GPC5: variants seen among roughly 807,000 people sequenced by gnomAD.
GPC5 encodes the protein glypican-5.
In GPC5, 47 loss-of-function variants were observed where a neutral mutation model predicts 53.9. The observed-to-expected ratio is 0.87, with a 90% CI of 0.69 to 1.11. The LOEUF is 1.11. GPC5 is among the 50% of genes most tolerant of loss of function. The pLI, the probability that GPC5 is intolerant of heterozygous loss-of-function variation, is 0.00. For synonymous variants in GPC5, 286 were observed against 263.3 expected, an observed-to-expected ratio of 1.09 and a Z score of -0.84; for missense variants, 748 against 713.1, an observed-to-expected ratio of 1.05 and a Z score of -0.56.
At chr13:92,320,229 T>C (rs1364672321) in intron 7 of GPC5, among the ~76,000 whole-genome samples, 1 of 152,168 alleles carries the variant, frequency 6.6e-6, no homozygotes, top group Non-Finnish European at 1.5e-5. Flanking sequence ...CATAATGAAC[T>C]TTCATGCATT....
intron 7 of GPC5, among the ~76,000 whole-genome samples, chr13:92,480,485 T>A (rs1879307144): frequency 6.6e-6 from 1 of 152,164 alleles, no homozygotes; most frequent in Non-Finnish European, 1.5e-5. Context: ...GGCTTAACAA[T>A]GGAGGTTACC....
chr13:91,900,721 A>G (rs1345676127), intron 5 of GPC5, among the ~76,000 whole-genome samples: 1 of 152,006 alleles, frequency 6.6e-6, no homozygotes, highest in South Asian at 2.1e-4. Context: ...GCAATGTTCT[A>G]TTTTTTTACG....
At chr13:92,612,416 GTATC>G (rs1235231067) in intron 7 of GPC5, among the ~76,000 whole-genome samples, 1 of 151,862 alleles carries the variant, frequency 6.6e-6, no homozygotes, top group Non-Finnish European at 1.5e-5. Context: ...ATCTTCTTCT[GTATC>G]TATTATATTC....
chr13:92,351,864 G>T (rs193165721), intron 7 of GPC5, among the ~76,000 whole-genome samples: 96 of 152,258 alleles, frequency 6.3e-4, no homozygotes, highest in Admixed American at 1.6e-3. Flanking sequence ...ACGTTCATGG[G>T]CAAGATGACA....
At chr13:92,320,657 T>G (rs748768509) in intron 7 of GPC5, among the ~76,000 whole-genome samples, 12 of 152,192 alleles carry the variant, frequency 7.9e-5, no homozygotes, top group Non-Finnish European at 1.5e-4. Flanking sequence ...AATATACTTT[T>G]GTCTAAAGTC....
chr13:92,318,454 T>C (rs971574304), intron 7 of GPC5, among the ~76,000 whole-genome samples: 1 of 152,154 alleles, frequency 6.6e-6, no homozygotes, highest in African/African-American at 2.4e-5. Context: ...CATAGACAAA[T>C]GTAAAATATA....
At chr13:92,172,058 T>C (rs1369953707) in intron 7 of GPC5, among the ~76,000 whole-genome samples, 4 of 152,232 alleles carry the variant, frequency 2.6e-5, no homozygotes, top group African/African-American at 7.2e-5. Flanking sequence ...GTTCTGTGTA[T>C]TTCTAGTTAA....
intron 7 of GPC5, among the ~76,000 whole-genome samples, chr13:92,382,964 C>T (rs1420080015): frequency 7.1e-6 from 1 of 140,954 alleles, no homozygotes; most frequent in African/African-American, 2.7e-5. Context: ...GATCGTGCCA[C>T]TGCACTCCAG....
intron 3 of GPC5, among the ~76,000 whole-genome samples, chr13:91,701,656 C>T (rs2035995162): frequency 6.6e-6 from 1 of 151,860 alleles, no homozygotes; most frequent in Non-Finnish European, 1.5e-5. Flanking sequence ...TGTGCAGAAT[C>T]ATATGTATAT....
intron 7 of GPC5, among the ~76,000 whole-genome samples, chr13:92,465,490 G>A (rs1040313749): frequency 6.6e-6 from 1 of 151,942 alleles, no homozygotes; most frequent in Non-Finnish European, 1.5e-5. Flanking sequence ...TGCTACTTAA[G>A]GACAGATGTC....
At chr13:91,984,585 G>C (rs929264232) in intron 6 of GPC5, among the ~76,000 whole-genome samples, 2 of 152,216 alleles carry the variant, frequency 1.3e-5, no homozygotes, top group African/African-American at 4.8e-5. Context: ...GTTTTCATGA[G>C]AGGGCTTTCT....
intron 7 of GPC5, among the ~76,000 whole-genome samples, chr13:92,621,063 G>T (rs150782427): frequency 6.6e-6 from 1 of 152,166 alleles, no homozygotes; most frequent in African/African-American, 2.4e-5. Flanking sequence ...GGAAGCTGGG[G>T]TGAGGTCAAC....
rs2039440569 is a variant in GPC5 at position 91,896,178 on chromosome 13, G to T, written c.1281-11759G>T. The stretch of plus-strand genomic sequence containing the variant: ...TCTATCATCCAGGCTGGAGTGCAGT[G>T]GCACAATCTCAGCTCACTGCAACCT... On this transcript the variant is annotated intron_variant, in intron 5 of 7. Transcript: ENST00000377067. 2.0e-5 allele frequency among the ~76,000 whole-genome samples: 3 copies of T among 148,376 alleles called. No homozygotes were observed. In the South Asian group the frequency reaches 6.4e-4, roughly 32 times the overall value.
chr13:92,649,231 C>T (rs1322158518), intron 7 of GPC5, among the ~76,000 whole-genome samples: 3 of 152,070 alleles, frequency 2.0e-5, no homozygotes, highest in African/African-American at 7.2e-5. Context: ...AATTTAAATT[C>T]TTCCATCAGT....
intron 6 of GPC5, among the ~76,000 whole-genome samples, chr13:92,123,430 TAAAA>T (rs1034370247): frequency 2.6e-5 from 4 of 152,060 alleles, no homozygotes; most frequent in Non-Finnish European, 4.4e-5. Flanking sequence ...AATATGATAA[TAAAA>T]AAGAAAAGGC....
chr13:91,761,837 A>G (rs1416888418), intron 5 of GPC5, among the ~76,000 whole-genome samples: 1 of 152,098 alleles, frequency 6.6e-6, no homozygotes, highest in East Asian at 1.9e-4. Flanking sequence ...GCCATTGGCC[A>G]TTGGTGATCA....
At chr13:92,673,391 C>G (rs1159431893) in intron 7 of GPC5, among the ~76,000 whole-genome samples, 2 of 151,562 alleles carry the variant, frequency 1.3e-5, no homozygotes, top group African/African-American at 2.4e-5. Flanking sequence ...AAGTGATTCT[C>G]CTGCCTCAGC....
At chr13:92,749,662 ATAACATC>A (rs1249584835) in intron 7 of GPC5, among the ~76,000 whole-genome samples, 1 of 152,330 alleles carries the variant, frequency 6.6e-6, no homozygotes. Context: ...ATGGTTTTCC[ATAACATC>A]TTTCAATTGC....
chr13:92,713,624 A>AT, intron 7 of GPC5, among the ~76,000 whole-genome samples: 1 of 150,984 alleles, frequency 6.6e-6, no homozygotes, highest in East Asian at 1.9e-4. Flanking sequence ...AAAAAAAAAA[A>AT]GTTCAATATT....
Sources: gnomAD v4.1 joint callset for allele counts (sites outside exome capture counted in the v4.1 genomes callset) on GRCh38, gnomAD v4.1.1 for gene constraint, MANE v1.5 for transcripts, NCBI Gene and HGNC (gene_info 2026-07-23, HGNC 2026-07-21) for gene names.